GPM6A: variants seen among roughly 807,000 people sequenced by gnomAD.
GPM6A encodes glycoprotein M6A.
In GPM6A, 7 loss-of-function variants were observed where a neutral mutation model predicts 32.1. That is an observed-to-expected ratio of 0.22 (90% CI 0.12 to 0.41). The LOEUF (loss-of-function observed/expected upper bound fraction) is 0.41. GPM6A is among the 10% of genes least tolerant of loss of function. GPM6A has a pLI of 1.00. For synonymous variants in GPM6A, 130 were observed against 123.4 expected, an observed-to-expected ratio of 1.05 and a Z score of -0.35; for missense variants, 235 against 347.2, an observed-to-expected ratio of 0.68 and a Z score of 2.57.
chr4:175,726,669 A>T (rs1746425074), intron 1 of GPM6A, among the ~76,000 whole-genome samples: 1 of 152,196 alleles, frequency 6.6e-6, no homozygotes, highest in Non-Finnish European at 1.5e-5. Flanking sequence ...TATAATGCAG[A>T]GAAGCTAAAA....
intron 1 of GPM6A, among the ~76,000 whole-genome samples, chr4:175,835,684 C>A (rs573250122): frequency 7.0e-6 from 1 of 142,660 alleles, no homozygotes; most frequent in Non-Finnish European, 1.5e-5. Context: ...ATAATATATA[C>A]TTTATAAATA....
chr4:175,684,607 T>C (rs1390915269), intron 2 of GPM6A, among the ~76,000 whole-genome samples: 1 of 152,196 alleles, frequency 6.6e-6, no homozygotes, highest in Non-Finnish European at 1.5e-5. Flanking sequence ...GGCTGTCCAG[T>C]TGTTCCAACA....
At chr4:175,919,019 A>C (rs1054758642) in intron 1 of GPM6A, among the ~76,000 whole-genome samples, 14 of 152,136 alleles carry the variant, frequency 9.2e-5, no homozygotes, top group African/African-American at 3.4e-4. Flanking sequence ...TGAACTCACT[A>C]ATAAATTGAT....
At chr4:175,638,477 G>T (rs145365400) in intron 6 of GPM6A, among the ~76,000 whole-genome samples, 1 of 151,892 alleles carries the variant, frequency 6.6e-6, no homozygotes, top group Non-Finnish European at 1.5e-5. Flanking sequence ...TAAAATGTAC[G>T]TATAGCTTTA....
intron 1 of GPM6A, among the ~76,000 whole-genome samples, chr4:175,746,432 A>T (rs943556762): frequency 6.6e-6 from 1 of 152,206 alleles, no homozygotes. Context: ...ATGTTCAATT[A>T]TTCTGCACCA....
intron 1 of GPM6A, among the ~76,000 whole-genome samples, chr4:175,823,752 T>C (rs1735348308): frequency 6.6e-6 from 1 of 152,206 alleles, no homozygotes; most frequent in Non-Finnish European, 1.5e-5. Flanking sequence ...AAAAAATACA[T>C]TAAAGTGTAC....
At chr4:175,733,679 G>T (rs1731529976) in intron 1 of GPM6A, among the ~76,000 whole-genome samples, 1 of 151,674 alleles carries the variant, frequency 6.6e-6, no homozygotes, top group Non-Finnish European at 1.5e-5. Flanking sequence ...TTTATTTTAT[G>T]TACCTGAGAT....
At chr4:175,824,612 CTTGT>C (rs1579543066) in intron 1 of GPM6A, among the ~76,000 whole-genome samples, 1 of 152,152 alleles carries the variant, frequency 6.6e-6, no homozygotes, top group East Asian at 1.9e-4. Context: ...ACGAGCTACA[CTTGT>C]TTCTCCCTTA....
intron 1 of GPM6A, among the ~76,000 whole-genome samples, chr4:175,938,788 C>T (rs1739320976): frequency 6.7e-6 from 1 of 149,746 alleles, no homozygotes; most frequent in South Asian, 2.1e-4. Flanking sequence ...ATTCCAAGTA[C>T]CCTGGCTTTA....
intron 1 of GPM6A, among the ~76,000 whole-genome samples, chr4:175,974,558 T>C (rs1740604306): frequency 7.1e-6 from 1 of 141,538 alleles, no homozygotes; most frequent in Non-Finnish European, 1.5e-5. Context: ...CTATGTCAAC[T>C]GTCTGTTTAA....
Position 175,795,267 on chromosome 4 carries a change from T to C in GPM6A, c.37+16924A>G, listed in dbSNP as rs567587729. On this transcript the variant is annotated intron_variant, in intron 1 of 6. Transcript: ENST00000393658. Reference sequence around the variant, plus strand: ...GTTGATAAATTCCATTTTGGACATATTGCATTTGAGGTACCTATGGCTATC... The same window carrying C: ...GTTGATAAATTCCATTTTGGACATACTGCATTTGAGGTACCTATGGCTATC... 6.6e-5 allele frequency among the ~76,000 whole-genome samples: 10 copies of C among 152,212 alleles called. No homozygotes were observed. The South Asian group carries it at 2.1e-3, about 32-fold the overall frequency.
chr4:175,805,052 A>G (rs1734637576), intron 1 of GPM6A, among the ~76,000 whole-genome samples: 1 of 150,968 alleles, frequency 6.6e-6, no homozygotes, highest in Non-Finnish European at 1.5e-5. Flanking sequence ...CAAAAAAACA[A>G]AAACAAAACA....
At chr4:175,866,130 T>C (rs1387420463) in intron 1 of GPM6A, among the ~76,000 whole-genome samples, 1 of 152,194 alleles carries the variant, frequency 6.6e-6, no homozygotes, top group African/African-American at 2.4e-5. Context: ...TTAACAACTA[T>C]ATTTTAGAGT....
At chr4:175,739,881 C>CA (rs1291153713) in intron 1 of GPM6A, among the ~76,000 whole-genome samples, 2 of 151,842 alleles carry the variant, frequency 1.3e-5, no homozygotes, top group Admixed American at 6.6e-5. Context: ...CTTACTTTCA[C>CA]AAAAAATAAG....
chr4:175,854,505 C>G (rs1421715074), intron 1 of GPM6A, among the ~76,000 whole-genome samples: 1 of 151,992 alleles, frequency 6.6e-6, no homozygotes, highest in Non-Finnish European at 1.5e-5. Context: ...AAAGATTGAA[C>G]AAAATGTATG....
intron 1 of GPM6A, among the ~76,000 whole-genome samples, chr4:175,790,827 G>A (rs536752843): frequency 2.3e-4 from 35 of 152,136 alleles, no homozygotes; most frequent in South Asian, 4.1e-4. Context: ...TATTTTGTTC[G>A]TTCTTTTAGG....
intron 1 of GPM6A, among the ~76,000 whole-genome samples, chr4:175,795,163 C>T (rs1037708706): frequency 6.6e-6 from 1 of 152,116 alleles, no homozygotes. Flanking sequence ...AAACTTCTAG[C>T]TTGGGACACA....
chr4:175,786,694 T>G lies in GPM6A; in HGVS notation c.37+25497A>C, dbSNP rs374390126. The stretch of plus-strand genomic sequence containing the variant: ...GCCTTATCAGTTCTTCTTGTCCATG[T>G]TCCCTTGAGTCAGTTGCACCCTTTC... On this transcript the variant is annotated intron_variant, in intron 1 of 6. Coordinates refer to ENST00000393658, the MANE Select transcript of GPM6A (RefSeq NM_201591.3). Among the ~76,000 whole-genome samples the G allele has an allele frequency of 8.5e-5, 13 of 152,184 alleles. No homozygotes were observed. The East Asian group carries it at 2.3e-3, about 27-fold the overall frequency.
At chr4:175,776,097 AT>A (rs1000850801) in intron 1 of GPM6A, among the ~76,000 whole-genome samples, 3 of 152,164 alleles carry the variant, frequency 2.0e-5, no homozygotes, top group Non-Finnish European at 4.4e-5. Flanking sequence ...TTGAAACCAG[AT>A]TTTTTTAAAG....
Sources: allele counts gnomAD v4.1 joint callset (sites outside exome capture counted in the v4.1 genomes callset), GRCh38; gene constraint gnomAD v4.1.1; transcripts MANE v1.5; gene names NCBI Gene and HGNC (gene_info 2026-07-23, HGNC 2026-07-21).